Variants in PXT1 observed in about 807,000 individuals in gnomAD.
PXT1 encodes peroxisomal testis enriched protein 1.
In PXT1, 11 loss-of-function variants were observed where a neutral mutation model predicts 11.0. The ratio of observed to expected loss-of-function variants is 1.00; its 90% confidence interval spans 0.63 to 1.66. PXT1 has a LOEUF of 1.66. Ranked by LOEUF, PXT1 falls within the 40% of genes most tolerant of loss-of-function variation. The pLI, the probability that PXT1 is intolerant of heterozygous loss-of-function variation, is 0.00. For synonymous variants in PXT1, 43 were observed against 51.4 expected (o/e 0.84, Z 0.70); for missense variants, 141 against 155.5 (o/e 0.91, Z 0.49).
intron 4 of PXT1, among the ~76,000 whole-genome samples, chr6:36,394,123 A>G (rs1774108957): frequency 6.6e-6 from 1 of 152,244 alleles, no homozygotes; most frequent in Non-Finnish European, 1.5e-5. Flanking sequence ...TCAGCTAGGA[A>G]AACGGAATGA....
intron 2 of PXT1, among the ~76,000 whole-genome samples, chr6:36,437,130 T>C (rs1353084500): frequency 1.3e-5 from 2 of 151,884 alleles, no homozygotes; most frequent in Admixed American, 1.3e-4. Flanking sequence ...CTACTAAAAA[T>C]ACAAAAATTA....
At chr6:36,433,368 C>CA (rs888732250) in intron 2 of PXT1, among the ~76,000 whole-genome samples, 2 of 151,798 alleles carry the variant, frequency 1.3e-5, no homozygotes, top group Admixed American at 6.6e-5. Context: ...AAGATAAAGA[C>CA]AAAAAAAGTG....
intron 1 of PXT1, 25 bp from the exon 2 acceptor site, chr6:36,438,911 A>C (rs1774812820): frequency 6.6e-6 from 1 of 152,232 alleles, no homozygotes; most frequent in South Asian, 2.1e-4. Context: ...AGGGGGATGA[A>C]AAGTAAATTA....
intron 2 of PXT1, among the ~76,000 whole-genome samples, chr6:36,434,807 TTG>T (rs1472715353): frequency 6.6e-5 from 10 of 152,240 alleles, no homozygotes; most frequent in Non-Finnish European, 1.3e-4. Flanking sequence ...TTGAAAAGAT[TTG>T]TCTTTAGTTA....
intron 4 of PXT1, among the ~76,000 whole-genome samples, chr6:36,397,413 G>C (rs9368927): frequency 0.79 from 120,249 of 152,072 alleles, 47,701 homozygotes; most frequent in Non-Finnish European, 0.81. Flanking sequence ...CCGTCTCAAA[G>C]AAATAAACAA....
intron 3 of PXT1, 107 bp downstream of exon 3, chr6:36,425,807 T>A (rs505527): frequency 0.31 from 42,637 of 139,208 alleles, 3,341 homozygotes; most frequent in African/African-American, 0.44. Flanking sequence ...AAACAAAAAA[T>A]ATATATATAT....
chr6:36,403,747 T>A (rs2127411341), intron 3 of PXT1, among the ~76,000 whole-genome samples: 1 of 152,208 alleles, frequency 6.6e-6, no homozygotes, highest in African/African-American at 2.4e-5. Context: ...TACATGCCTG[T>A]GGTCCCAGCT....
chr6:36,392,438 G>A (rs546559612), intron 4 of PXT1, among the ~76,000 whole-genome samples: 2 of 152,310 alleles, frequency 1.3e-5, no homozygotes, highest in East Asian at 1.9e-4. Flanking sequence ...GGAGGCCAAG[G>A]CAGGTGAATG....
intron 4 of PXT1, among the ~76,000 whole-genome samples, chr6:36,394,345 C>T (rs546865272): frequency 2.4e-4 from 36 of 152,296 alleles, no homozygotes; most frequent in Admixed American, 6.5e-4. Flanking sequence ...GTGTCTCAAA[C>T]AGTACCTGGA....
Position 36,425,912 on chromosome 6 carries a change from ACCTG to A in PXT1, c.167_169+1del. On this transcript the variant is annotated splice_donor_variant and coding_sequence_variant, in exon 3 of 5. Transcript: ENST00000454782. LOFTEE classifies it high-confidence loss of function. ...TATCTTAGTTTAATCCAAATATCTT[ACCTG>A]GGTTCCTTGACATGGCTGGAACTGG... 1 of 1,532,952 alleles carries A rather than the reference ACCTG, an allele frequency of 6.5e-7. No homozygotes were observed. The highest frequency in any genetic ancestry group is 8.7e-7 in the Non-Finnish European group (1 of 1,144,886). The allele number at this position is 1,532,952 out of a possible 1,614,324, so 95.0% of individuals were successfully genotyped here.
rs374397042 is a variant in PXT1, at chr6:36,412,221, G to A, written c.170-11637C>T. 1.4e-3 allele frequency among the ~76,000 whole-genome samples: 214 copies of A among 151,826 alleles called. 6 individuals carry two copies. The East Asian group carries it at 0.032, about 23-fold the overall frequency. ...ACAAAAATTAGCCAGGCGTGGTGGCGTGCACCTGTAATCCCAGCTACTCGG... is the reference window on the plus strand; with the variant it reads ...ACAAAAATTAGCCAGGCGTGGTGGCATGCACCTGTAATCCCAGCTACTCGG... On this transcript the variant is annotated intron_variant, in intron 3 of 4. Transcript: ENST00000454782.
intron 2 of PXT1, among the ~76,000 whole-genome samples, chr6:36,430,269 G>A (rs1774674726): frequency 6.6e-6 from 1 of 151,926 alleles, no homozygotes; most frequent in African/African-American, 2.4e-5. Context: ...TTCATCTATG[G>A]GTTCACATTT....
At chr6:36,421,542 T>C (rs1774525716) in intron 3 of PXT1, among the ~76,000 whole-genome samples, 1 of 152,260 alleles carries the variant, frequency 6.6e-6, no homozygotes, top group African/African-American at 2.4e-5. Flanking sequence ...GCCACTTTTC[T>C]GTAGATTTAA....
At chr6:36,433,877 T>C (rs1056498579) in intron 2 of PXT1, among the ~76,000 whole-genome samples, 38 of 145,070 alleles carry the variant, frequency 2.6e-4, no homozygotes, top group Non-Finnish European at 4.4e-4. Flanking sequence ...GAAAGCCAAA[T>C]GCAATTCTGA....
At chr6:36,441,111 G>GAA (rs970159726) in intron 1 of PXT1, among the ~76,000 whole-genome samples, 15 of 71,256 alleles carry the variant, frequency 2.1e-4, no homozygotes, top group South Asian at 2.1e-3. Context: ...TCCACAAAAA[G>GAA]AAAAAAAAAA....
intron 4 of PXT1, chr6:36,393,011 G>A (rs1490762859): frequency 6.6e-6 from 1 of 150,878 alleles, no homozygotes; most frequent in Non-Finnish European, 1.5e-5. Context: ...CGCTCTTGTT[G>A]ACCAGGCTGG....
At position 36,440,088 on chromosome 6, in the gene PXT1, ACT is replaced by A. The variant is rs549490001; in HGVS notation, c.-129-1204_-129-1203del. Among the ~76,000 whole-genome samples the A allele has an allele frequency of 3.4e-3, 519 of 152,184 alleles. 1 individual carries two copies. Among genetic ancestry groups the A allele is most frequent in the African/African-American group, 0.012 (492 of 41,506 alleles). ...ACTCCAGCCTGAGTGACAGGGCAAGACTCTGTCTCAGAAAACAAAAGAAAACG... is the reference window on the plus strand; with the variant it reads ...ACTCCAGCCTGAGTGACAGGGCAAGACTGTCTCAGAAAACAAAAGAAAACG... On this transcript the variant is annotated intron_variant, in intron 1 of 4. Transcript: ENST00000454782.
intron 2 of PXT1, among the ~76,000 whole-genome samples, chr6:36,431,004 T>C (rs1410914584): frequency 1.3e-5 from 2 of 152,070 alleles, no homozygotes; most frequent in African/African-American, 2.4e-5. Flanking sequence ...TTACTAGAGA[T>C]AGGGTTTCAC....
intron 2 of PXT1, among the ~76,000 whole-genome samples, chr6:36,431,065 C>A (rs1774684939): frequency 6.6e-6 from 1 of 152,174 alleles, no homozygotes; most frequent in Admixed American, 6.5e-5. Flanking sequence ...ATACACCCCC[C>A]TCGGCCTCCC....
Sources: gnomAD v4.1 joint callset for allele counts (sites outside exome capture counted in the v4.1 genomes callset) on GRCh38, gnomAD v4.1.1 for gene constraint, MANE v1.5 for transcripts, NCBI Gene and HGNC (gene_info 2026-07-23, HGNC 2026-07-21) for gene names.